WWOX: variants seen among roughly 807,000 people sequenced by gnomAD.
The protein encoded by WWOX is WW domain containing oxidoreductase.
A neutral mutation model predicts 46.2 loss-of-function variants in WWOX; 69 were observed. That is an observed-to-expected ratio of 1.49 (90% CI 1.23 to 1.82). The LOEUF (loss-of-function observed/expected upper bound fraction) is 1.82. Ranked by LOEUF, WWOX falls within the 40% of genes most tolerant of loss-of-function variation. WWOX has a pLI of 0.00. For missense variants in WWOX, 919 were observed against 542.6 expected (o/e 1.69, Z -6.89); for synonymous variants, 359 against 202.6 (o/e 1.77, Z -6.56).
At chr16:78,178,733 G>A (rs911716132) in intron 5 of WWOX, among the ~76,000 whole-genome samples, 1 of 151,986 alleles carries the variant, frequency 6.6e-6, no homozygotes, top group Non-Finnish European at 1.5e-5. Context: ...TTGTCTTGGC[G>A]CATGGCTATA....
intron 5 of WWOX, among the ~76,000 whole-genome samples, chr16:78,328,050 T>A (rs1008608674): frequency 2.0e-5 from 3 of 151,978 alleles, no homozygotes; most frequent in African/African-American, 7.3e-5. Context: ...TAATTTGTAT[T>A]TTTAGTAGAG....
chr16:78,186,406 A>G (rs774174492), intron 5 of WWOX, among the ~76,000 whole-genome samples: 8 of 152,192 alleles, frequency 5.3e-5, no homozygotes, highest in Non-Finnish European at 8.8e-5. Context: ...GTTTAACCTG[A>G]CAGTTGATCA....
At chr16:78,361,852 T>A (rs892477541) in intron 5 of WWOX, among the ~76,000 whole-genome samples, 5 of 152,044 alleles carry the variant, frequency 3.3e-5, no homozygotes, top group African/African-American at 4.8e-5. Context: ...TCTCTGGTGA[T>A]CCTCCCACCT....
At chr16:78,885,230 A>C (rs536700628) in intron 8 of WWOX, among the ~76,000 whole-genome samples, 68 of 127,338 alleles carry the variant, frequency 5.3e-4, no homozygotes, top group African/African-American at 1.7e-3. Flanking sequence ...GTCATTTGTA[A>C]ATGCAGAAGG....
At chr16:78,188,125 A>G (rs1336959691) in intron 5 of WWOX, among the ~76,000 whole-genome samples, 3 of 152,176 alleles carry the variant, frequency 2.0e-5, no homozygotes, top group Non-Finnish European at 4.4e-5. Context: ...AGTACTTGTC[A>G]ATATGTATTA....
intron 8 of WWOX, among the ~76,000 whole-genome samples, chr16:78,705,919 T>C (rs1242829308): frequency 6.6e-6 from 1 of 152,182 alleles, no homozygotes; most frequent in Non-Finnish European, 1.5e-5. Context: ...AGCATCTGTT[T>C]ATTTACACAC....
intron 5 of WWOX, among the ~76,000 whole-genome samples, chr16:78,234,584 T>G (rs1267567442): frequency 2.0e-5 from 3 of 152,162 alleles, no homozygotes; most frequent in Non-Finnish European, 2.9e-5. Context: ...TTTGGAAAAC[T>G]CCTAGACTTG....
intron 8 of WWOX, among the ~76,000 whole-genome samples, chr16:79,084,819 A>T: frequency 6.6e-6 from 1 of 152,248 alleles, no homozygotes; most frequent in East Asian, 1.9e-4. Context: ...AGTGACATAA[A>T]GTAGGACATG....
chr16:78,636,652 G>A (rs548507797), intron 8 of WWOX, among the ~76,000 whole-genome samples: 24 of 152,200 alleles, frequency 1.6e-4, no homozygotes, highest in African/African-American at 5.3e-4. Context: ...CAAGTTTCTG[G>A]AATTCTAAGA....
At chr16:78,469,970 G>T (rs1316071929) in intron 8 of WWOX, among the ~76,000 whole-genome samples, 1 of 152,244 alleles carries the variant, frequency 6.6e-6, no homozygotes, top group Non-Finnish European at 1.5e-5. Flanking sequence ...GTTATTGAAG[G>T]TGATGCTAGC....
intron 8 of WWOX, among the ~76,000 whole-genome samples, chr16:79,022,344 CAA>C (rs10654627): frequency 2.9e-4 from 21 of 71,212 alleles, no homozygotes; most frequent in African/African-American, 2.0e-4. Context: ...CAATCTGTGG[CAA>C]AAAAAAAAAA....
At chr16:78,187,006 C>T (rs1194433682) in intron 5 of WWOX, among the ~76,000 whole-genome samples, 1 of 152,154 alleles carries the variant, frequency 6.6e-6, no homozygotes, top group African/African-American at 2.4e-5. Context: ...GTGCGGCTCT[C>T]TCTGTGTGTG....
intron 8 of WWOX, among the ~76,000 whole-genome samples, chr16:78,708,932 G>A (rs1218356718): frequency 3.3e-5 from 5 of 152,144 alleles, no homozygotes; most frequent in Admixed American, 1.3e-4. Flanking sequence ...TAAAAAGAAG[G>A]CAGGGAAAGA....
chr16:78,715,408 G>C (rs2048537877), intron 8 of WWOX, among the ~76,000 whole-genome samples: 1 of 152,090 alleles, frequency 6.6e-6, no homozygotes. Context: ...GCCACCACAG[G>C]TTCACTGTGG....
chr16:78,134,754 T>C (rs1404313213), intron 4 of WWOX, among the ~76,000 whole-genome samples: 2 of 152,184 alleles, frequency 1.3e-5, no homozygotes, highest in Non-Finnish European at 2.9e-5. Context: ...GCAGGAGATA[T>C]TTTCCTTGTT....
intron 8 of WWOX, among the ~76,000 whole-genome samples, chr16:78,777,932 C>G (rs895156821): frequency 1.3e-5 from 2 of 150,746 alleles, no homozygotes; most frequent in African/African-American, 2.4e-5. Flanking sequence ...GTAGTTCCAA[C>G]TGCTCAGAAT....
chr16:79,081,471 T>A (rs2048759296), intron 8 of WWOX, among the ~76,000 whole-genome samples: 1 of 152,204 alleles, frequency 6.6e-6, no homozygotes, highest in Non-Finnish European at 1.5e-5. Flanking sequence ...CATTAAGCCA[T>A]CTGCTTTCTG....
At chr16:79,028,764 C>T (rs1380790018) in intron 8 of WWOX, among the ~76,000 whole-genome samples, 2 of 151,930 alleles carry the variant, frequency 1.3e-5, no homozygotes, top group African/African-American at 4.9e-5. Flanking sequence ...ATTTTCTTTA[C>T]ATTATCTGGA....
chr16:78,105,668 G>T (rs73562757), intron 1 of WWOX, among the ~76,000 whole-genome samples: 1 of 152,070 alleles, frequency 6.6e-6, no homozygotes, highest in Non-Finnish European at 1.5e-5. Flanking sequence ...ACATTTGTGC[G>T]CCTGCTGTGG....
Sources: gnomAD v4.1 joint callset for allele counts (sites outside exome capture counted in the v4.1 genomes callset) on GRCh38, gnomAD v4.1.1 for gene constraint, MANE v1.5 for transcripts, NCBI Gene and HGNC (gene_info 2026-07-23, HGNC 2026-07-21) for gene names.